MROH6: variants seen among roughly 807,000 people sequenced by gnomAD.
MROH6 encodes the protein maestro heat like repeat family member 6.
In MROH6, 62 loss-of-function variants were observed where a neutral mutation model predicts 67.7. The ratio of observed to expected loss-of-function variants is 0.92; its 90% CI spans 0.75 to 1.13. The LOEUF (loss-of-function observed/expected upper bound fraction) is 1.13. Ranked by LOEUF, MROH6 falls within the 50% of genes most tolerant of loss-of-function variation. MROH6 has a pLI of 0.00. For missense variants in MROH6, 1,175 were observed against 1,029.1 expected, an observed-to-expected ratio of 1.14 and a Z score of -1.94; for synonymous variants, 566 against 470.8, an observed-to-expected ratio of 1.20 and a Z score of -2.62.
chr8:143,570,734 C>T (rs760393286), intron 4 of MROH6, 77 bp from the exon 5 acceptor site: 285 of 1,493,302 alleles, frequency 1.9e-4, no homozygotes, highest in Non-Finnish European at 2.5e-4. Context: ...GGCGTGCTGT[C>T]AACAGGATGG....
At chr8:143,571,049 A>ACTCCCTACATCCCC in intron 3 of MROH6, 55 bp from the exon 4 acceptor site, 1 of 1,438,416 alleles carries the variant, frequency 7.0e-7, no homozygotes, top group Non-Finnish European at 9.5e-7. Context: ...TGTCCAGGGA[A>ACTCCCTACATCCCC]TGTAGGGAGT....
Position 143,567,807 on chromosome 8 carries a change from G to C in MROH6, c.1846C>G (p.Arg616Gly), listed in dbSNP as rs778683840. 3.4e-5 allele frequency: 52 copies of C among 1,535,238 alleles called. No individual in the cohort carries two copies. The highest frequency in any genetic ancestry group is 4.6e-5 in the Non-Finnish European group (52 of 1,140,050). The change falls in exon 12 of 14, where the codon CGG (arginine) becomes GGG (glycine). Residue 616 changes from arginine to glycine, a missense_variant. Arg to Gly is a moderately radical substitution (Grantham distance 125, BLOSUM62 -2). Transcript: ENST00000398882. ...TCACCTATAAGCACGGCGGCTGCCCGGCGCAGGGGGTCCTGTGGACTCCGC... is the reference window on the plus strand; with the variant it reads ...TCACCTATAAGCACGGCGGCTGCCCCGCGCAGGGGGTCCTGTGGACTCCGC... The part of the protein sequence containing the change: ...YLRSPQDPLR[R>G]AAAVLIGFLV...
chr8:143,570,729 G>T, intron 4 of MROH6, 72 bp from the exon 5 acceptor site: 1 of 1,498,170 alleles, frequency 6.7e-7, no homozygotes, highest in South Asian at 1.3e-5. Context: ...GGACAGGCGT[G>T]CTGTCAACAG....
rs551319836 is a variant in MROH6, at chr8:143,567,371, GC to G, written c.2027del (p.Gly676AlafsTer143). 2 of 1,233,526 alleles carry G rather than the reference GC, an allele frequency of 1.6e-6. No individual in the cohort carries two copies. The highest frequency in any genetic ancestry group is 8.5e-5 in the Admixed American group (2 of 23,432). The allele number at this position is 1,233,526 out of a possible 1,614,324, so 76.4% of individuals were successfully genotyped here. A position where few individuals can be genotyped will look rare whatever the true frequency, so the allele number is the denominator to read the frequency against. On this transcript the variant is annotated frameshift_variant, in exon 14 of 14. Coordinates refer to ENST00000398882, the MANE Select transcript of MROH6 (RefSeq NM_001100878.2). LOFTEE classifies it low-confidence loss of function (END_TRUNC). ...QQVAMLARAR[G>X]CPRGPRLLRI... is the part of the protein sequence containing the mutation. The stretch of plus-strand genomic sequence containing the variant: ...GGAGAAGGCGGGGCCCGCGGGGGCA[GC>G]CCCGGGCACGGGCCAGCATCGCCAC...
rs186162476 is a variant in MROH6 at position 143,567,724 on chromosome 8, G to A, written c.1868-48C>T. The A allele has an allele frequency of 5.5e-4, 861 of 1,572,868 alleles. 4 individuals carry two copies. The African/African-American group carries it at 8.1e-3, about 15-fold the overall frequency. ...GTGCAGGCCCCACAGCCCCCCAGGG[G>A]GAGGCTGGCCCAGCTCCCAAAGCCC... On this transcript the variant is annotated intron_variant, in intron 12 of 13. Transcript: ENST00000398882.
chr8:143,569,949 A>T lies in MROH6; in HGVS notation c.1158+2T>A. ...CACCACCCATCCGGGAAGCAGGCTCACCCCTGTGAAGAAGGCCATAGCCGT... is the reference window on the plus strand; with the variant it reads ...CACCACCCATCCGGGAAGCAGGCTCTCCCCTGTGAAGAAGGCCATAGCCGT... On this transcript the variant is annotated splice_donor_variant, in intron 7 of 13. Coordinates refer to ENST00000398882, the MANE Select transcript of MROH6 (RefSeq NM_001100878.2). LOFTEE classifies it high-confidence loss of function. 1 of 1,612,350 alleles carries T rather than the reference A, an allele frequency of 6.2e-7. No homozygotes were observed.
At position 143,570,968 on chromosome 8, in the gene MROH6, A is replaced by T; in HGVS notation, c.629T>A (p.Leu210Gln). The T allele has an allele frequency of 6.5e-7, 1 of 1,548,932 alleles. No homozygotes were observed. Among genetic ancestry groups the T allele is most frequent in the Non-Finnish European group, 8.7e-7 (1 of 1,146,910 alleles). Reference protein sequence around the residue: ...DRVAAELWRSLSRNQRVNGQV... With the variant: ...DRVAAELWRSQSRNQRVNGQV... ...CCCATTTACACGCTGGTTACGGCTTAGGCTGCGCCAGAGCTCGGCTGCTAC... is the reference window on the plus strand; with the variant it reads ...CCCATTTACACGCTGGTTACGGCTTTGGCTGCGCCAGAGCTCGGCTGCTAC... Residue 210 changes from leucine to glutamine, a missense_variant, in exon 4 of 14, where the codon CTA becomes CAA. Physicochemically the swap from Leu to Gln is moderately radical, Grantham distance 113. Transcript: ENST00000398882.
In MROH6 at chr8:143,570,046, C is replaced by T. The variant is rs748151785; in HGVS notation, c.1063G>A (p.Asp355Asn). The T allele has an allele frequency of 1.1e-5, 17 of 1,611,718 alleles. No individual in the cohort carries two copies. The highest frequency in any genetic ancestry group is 4.4e-5 in the South Asian group (4 of 91,070). ...GCGAAGAGGCCTCGCAGGTGGTGGTCGGCATGTGCCACCATAGCACTGGGG... is the reference window on the plus strand; with the variant it reads ...GCGAAGAGGCCTCGCAGGTGGTGGTTGGCATGTGCCACCATAGCACTGGGG... ...LLASAMVAHA[D>N]HHLRGLFADL... Residue 355 changes from aspartate (D) to asparagine (N), a missense_variant, in exon 7 of 14, where the codon GAC becomes AAC. Physicochemically the swap from Asp to Asn is conservative, Grantham distance 23. Transcript: ENST00000398882.
At chr8:143,571,948 C>G (rs1215156545) in intron 2 of MROH6, 85 bp downstream of exon 2, 10 of 1,505,244 alleles carry the variant, frequency 6.6e-6, no homozygotes, top group Non-Finnish European at 8.9e-6. Flanking sequence ...ATGGCAGGGT[C>G]AGGCTGCGCT....
chr8:143,569,104 AGGTCAGGGCCT>A (rs1823823421), intron 9 of MROH6, among the ~76,000 whole-genome samples: 1 of 9,828 alleles, frequency 1.0e-4, no homozygotes, highest in African/African-American at 3.5e-4. Context: ...GGAGCCTGGG[AGGTCAGGGCCT>A]GGGAGGGACA....
At position 143,570,005 on chromosome 8, in the gene MROH6, C is replaced by T. The variant is rs777930142; in HGVS notation, c.1104G>A (p.Arg368=). ...GCTGCGGGTCGTCCGCGCTGCGAAG[C>T]CGAGGGAGCAAGTCTGCGAAGAGGC... The part of the protein sequence containing the change: ...LRGLFADLLP[R]LRSADDPQRL... Residue 368 remains arginine, a synonymous_variant, in exon 7 of 14, where the codon CGG becomes CGA. Transcript: ENST00000398882. 6.2e-6 allele frequency: 10 copies of T among 1,613,184 alleles called. No homozygotes were observed. In the African/African-American group the frequency reaches 9.3e-5, roughly 15 times the overall value.
chr8:143,571,242 C>T (rs1022020112), intron 3 of MROH6, among the ~76,000 whole-genome samples: 8 of 152,148 alleles, frequency 5.3e-5, no homozygotes, highest in African/African-American at 1.7e-4. Context: ...GTTGGGTCAG[C>T]GACAGTGAAA....
chr8:143,568,336 G>A, intron 10 of MROH6, 75 bp from the exon 11 acceptor site: 1 of 1,522,364 alleles, frequency 6.6e-7, no homozygotes, highest in Non-Finnish European at 8.9e-7. Context: ...AAGAGGGGGA[G>A]CAAGGGCATC....
In MROH6 at chr8:143,572,732, G is replaced by A; in HGVS notation, c.-18C>T. ...CCAGCCATGGCGGCCCTTGCCTGCA[G>A]CACCTGCCGCTGCTCCTCCTGCGAA... On this transcript the variant is annotated 5_prime_UTR_variant, in exon 1 of 14. Transcript: ENST00000398882. 1 of 1,457,352 alleles carries A rather than the reference G, an allele frequency of 6.9e-7. No homozygotes were observed. Among genetic ancestry groups the A allele is most frequent in the Non-Finnish European group, 9.0e-7 (1 of 1,109,122 alleles). 90.3% of individuals were successfully genotyped at this position (1,457,352 alleles called of 1,614,324 possible). A position where few individuals can be genotyped will look rare whatever the true frequency, so the allele number is the denominator to read the frequency against.
At chr8:143,571,642 C>T (rs765650785) in intron 3 of MROH6, 25 bp downstream of exon 3, 9 of 1,556,542 alleles carry the variant, frequency 5.8e-6, no homozygotes, top group South Asian at 1.2e-5. Context: ...GCGTGGGGAC[C>T]GCAGGGCCAG....
At position 143,572,508 on chromosome 8, in the gene MROH6, A is replaced by G; in HGVS notation, c.207T>C (p.Pro69=). The change falls in exon 1 of 14, where the codon CCT becomes CCC. Residue 69 remains proline, a synonymous_variant. Coordinates refer to ENST00000398882, the MANE Select transcript of MROH6 (RefSeq NM_001100878.2). ...CTTCAGGGACGGTGGCCCCACGTCC[A>G]GGCTCTGCCTCAGAGGGGGCGGTGA... The part of the protein sequence containing the change: ...QALTAPSEAE[P]GRGATVPEAG... The G allele has an allele frequency of 6.2e-7, 1 of 1,605,844 alleles. No individual in the cohort carries two copies. The highest frequency in any genetic ancestry group is 1.1e-5 in the South Asian group (1 of 90,024).
chr8:143,569,434 T>G lies in MROH6; in HGVS notation c.1476+7A>C. The G allele has an allele frequency of 7.0e-7, 1 of 1,436,214 alleles. No individual in the cohort carries two copies. The highest frequency in any genetic ancestry group is 9.0e-7 in the Non-Finnish European group (1 of 1,105,176). 89.0% of individuals were successfully genotyped at this position (1,436,214 alleles called of 1,614,324 possible). On this transcript the variant is annotated splice_region_variant and intron_variant, in intron 9 of 13. Transcript: ENST00000398882. ...GGGCGGGACCCGGAGGCGGGGCGTT[T>G]GCTCACGTCGTCCAGTAGCGGAGGG... is the stretch of plus-strand genomic sequence containing the variant.
intron 3 of MROH6, 134 bp downstream of exon 3, chr8:143,571,533 A>G: frequency 1.7e-6 from 2 of 1,180,342 alleles, no homozygotes; most frequent in Non-Finnish European, 2.4e-6. Flanking sequence ...GATACGGGGC[A>G]TGAGTCATCG....
Position 143,572,595 on chromosome 8 carries a change from G to A in MROH6, c.120C>T (p.Ser40=), listed in dbSNP as rs200182568. ...ARQGQPQGPP[S]AGPQPKSWEV... The stretch of plus-strand genomic sequence containing the variant: ...CCCAGGACTTGGGCTGAGGGCCTGC[G>A]GAAGGGGGTCCCTGGGGCTGCCCCT... Residue 40 remains serine (S), a synonymous_variant, in exon 1 of 14, where the codon TCC becomes TCT. Transcript: ENST00000398882. The A allele has an allele frequency of 1.4e-4, 225 of 1,600,850 alleles. 1 individual carries two copies. In the African/African-American group the frequency reaches 2.3e-3, roughly 17 times the overall value.
Sources: allele counts gnomAD v4.1 joint callset (sites outside exome capture counted in the v4.1 genomes callset), GRCh38; gene constraint gnomAD v4.1.1; transcripts MANE v1.5; gene names NCBI Gene and HGNC (gene_info 2026-07-23, HGNC 2026-07-21).